FAT2: variants seen among roughly 807,000 people sequenced by gnomAD.
FAT2 encodes the protein protocadherin Fat 2.
Under a neutral mutation model 295.3 loss-of-function variants are expected in FAT2, and 150 were observed. The ratio of observed to expected loss-of-function variants is 0.51; its 90% CI spans 0.44 to 0.58. The LOEUF is 0.58. Among genes scored for constraint, FAT2 ranks in the 20% least tolerant of loss-of-function variants. FAT2 has a pLI of 0.00. For synonymous variants in FAT2, 2,026 were observed against 2,150.3 expected, an observed-to-expected ratio of 0.94 and a Z score of 1.60; for missense variants, 4,868 against 5,442.7, an observed-to-expected ratio of 0.89 and a Z score of 3.32.
In FAT2 at chr5:151,567,081, T is replaced by C. The variant is rs896313299; in HGVS notation, c.1851A>G (p.Gly617=). 3.1e-6 allele frequency: 5 copies of C among 1,614,010 alleles called. No individual in the cohort carries two copies. The highest frequency in any genetic ancestry group is 3.3e-5 in the Admixed American group (2 of 59,996). The change falls in exon 2 of 24, where the codon GGA becomes GGG. Residue 617 remains glycine, a synonymous_variant. Transcript: ENST00000261800. ...LEYFDLNHFS[G]VISLKRPFIN... ...TAAAAGGGCGTTTGAGGGATATCAC[T>C]CCGGAGAAATGATTTAGATCAAAAT...
At chr5:151,592,139 G>T (rs139329668), upstream of FAT2, among the ~76,000 whole-genome samples, 1 of 152,170 alleles carries the variant, frequency 6.6e-6, no homozygotes, top group Non-Finnish European at 1.5e-5. Flanking sequence ...TTTATGAGGT[G>T]CCTCTCTGTT....
At chr5:151,540,429 C>T (rs1158572440) in intron 11 of FAT2, 138 bp downstream of exon 11, 2 of 552,932 alleles carry the variant, frequency 3.6e-6, no homozygotes, top group Non-Finnish European at 6.5e-6. Context: ...GCCCCTCAAT[C>T]TCCCTTCTCC....
rs764457790 is a variant in FAT2, at chr5:151,507,629, TC to T, written c.12060-19del. 1 of 1,584,126 alleles carries T rather than the reference TC, an allele frequency of 6.3e-7. No homozygotes were observed. The highest frequency in any genetic ancestry group is 8.6e-7 in the Non-Finnish European group (1 of 1,164,724). ...TTTCACACCTGCGGAGACAGAGTAG[TC>T]AGGGGGCCAAGTCATGAAATTGCCC... On this transcript the variant is annotated intron_variant, in intron 22 of 23. Coordinates refer to ENST00000261800, the MANE Select transcript of FAT2 (RefSeq NM_001447.3).
chr5:151,564,538 T>A (rs1350857364), intron 2 of FAT2, among the ~76,000 whole-genome samples: 1 of 152,310 alleles, frequency 6.6e-6, no homozygotes, highest in East Asian at 1.9e-4. Context: ...TGGAAATAAA[T>A]CACCTACCAA....
At chr5:151,527,458 C>CA (rs1561830544) in intron 16 of FAT2, 81 bp from the exon 17 acceptor site, 81 of 1,363,554 alleles carry the variant, frequency 5.9e-5, no homozygotes, top group Non-Finnish European at 6.3e-5. Context: ...CTAATATTTT[C>CA]AAAAAAAATA....
intron 1 of FAT2, among the ~76,000 whole-genome samples, chr5:151,582,529 A>C (rs1287370644): frequency 6.6e-6 from 1 of 152,162 alleles, no homozygotes; most frequent in African/African-American, 2.4e-5. Context: ...GATGTTCAAC[A>C]AGTTCCCTGG....
rs1761428064 is a variant in FAT2, at chr5:151,512,846, C to T, written c.11464-240G>A. The T allele has an allele frequency of 1.8e-6, 1 of 545,930 alleles. No individual in the cohort carries two copies. Among genetic ancestry groups the T allele is most frequent in the Admixed American group, 3.2e-5 (1 of 31,640 alleles). 33.8% of individuals were successfully genotyped at this position (545,930 alleles called of 1,614,324 possible). ...GGGTAGGGGGTGACATCTCCATTCA[C>T]AGATGAGGAAACTGAGGCCGAGAGA... On this transcript the variant is annotated intron_variant, in intron 20 of 23. Coordinates refer to ENST00000261800, the MANE Select transcript of FAT2 (RefSeq NM_001447.3). This position sits in a 1 kb window ranked among gnomAD's most constrained non-coding sequence, Gnocchi z 4.1.
At chr5:151,518,809 A>G (rs1753149774) in intron 19 of FAT2, among the ~76,000 whole-genome samples, 1 of 152,186 alleles carries the variant, frequency 6.6e-6, no homozygotes, top group African/African-American at 2.4e-5. Context: ...CATTCTGTTG[A>G]ACCCCCTTTG....
chr5:151,576,008 G>A (rs950656641), intron 1 of FAT2, among the ~76,000 whole-genome samples: 2 of 152,140 alleles, frequency 1.3e-5, no homozygotes, highest in East Asian at 1.9e-4. Context: ...TAAAGAGCAC[G>A]GCATAGGAAC....
At chr5:151,539,929 A>C (rs1755929259) in intron 11 of FAT2, among the ~76,000 whole-genome samples, 1 of 152,202 alleles carries the variant, frequency 6.6e-6, no homozygotes, top group African/African-American at 2.4e-5. Flanking sequence ...ACAAGTGAAG[A>C]AGGGCATCTC....
At position 151,565,887 on chromosome 5, in the gene FAT2, A is replaced by AT; in HGVS notation, c.3044dup (p.His1015GlnfsTer11). 6.2e-7 allele frequency: 1 copy of AT among 1,613,930 alleles called. No homozygotes were observed. The highest frequency in any genetic ancestry group is 2.2e-5 in the East Asian group (1 of 44,868). ...TCACATCCAGGACGATCACCTCCAC[A>AT]TGGCAGAGAGTCCTGCGGGCTAGGG... On this transcript the variant is annotated frameshift_variant, in exon 2 of 24. Transcript: ENST00000261800. LOFTEE classifies it high-confidence loss of function.
chr5:151,563,339 A>G lies in FAT2; in HGVS notation c.3560T>C (p.Ile1187Thr), dbSNP rs575786466. ...TGGATCCTTACCTGTAACAGGGTGA[A>G]TCATAAAGAATCCCATGTAGTTCCC... is the stretch of plus-strand genomic sequence containing the variant. Reference protein sequence around the residue: ...TSGNYMGFFMIHPVTGLLSTA... With the variant: ...TSGNYMGFFMTHPVTGLLSTA... The change falls in exon 3 of 24, where the codon ATT becomes ACT. Residue 1187 changes from isoleucine to threonine, a missense_variant. This residue lies in a region of FAT2 where 3,297 missense variants were observed against 3,669.4 expected (regional missense o/e 0.90). Coordinates refer to ENST00000261800, the MANE Select transcript of FAT2 (RefSeq NM_001447.3). The G allele has an allele frequency of 6.2e-7, 1 of 1,614,104 alleles. No homozygotes were observed. The highest frequency in any genetic ancestry group is 1.1e-5 in the South Asian group (1 of 91,074).
At chr5:151,576,092 C>G (rs1758737521) in intron 1 of FAT2, among the ~76,000 whole-genome samples, 2 of 152,004 alleles carry the variant, frequency 1.3e-5, no homozygotes, top group Admixed American at 1.3e-4. Flanking sequence ...CACCCAGGAC[C>G]CAGGACTACA....
chr5:151,590,043 C>A (rs947415425), intron 1 of FAT2, among the ~76,000 whole-genome samples: 2 of 152,220 alleles, frequency 1.3e-5, no homozygotes, highest in African/African-American at 4.8e-5. Context: ...TAATGAAATT[C>A]TCTTCCCACT....
intron 8 of FAT2, 106 bp downstream of exon 8, chr5:151,550,484 A>G (rs1230131583): frequency 3.1e-6 from 4 of 1,273,148 alleles, no homozygotes; most frequent in Non-Finnish European, 4.4e-6. Flanking sequence ...TGTCTCGTGC[A>G]TGGTCCTTAT....
chr5:151,575,360 A>G (rs1758702804), intron 1 of FAT2, among the ~76,000 whole-genome samples: 1 of 152,266 alleles, frequency 6.6e-6, no homozygotes, highest in African/African-American at 2.4e-5. Flanking sequence ...AGTACTGGAC[A>G]GAATTAAAAG....
rs1756468512 is a variant in FAT2, at chr5:151,544,828, C to T, written c.6299G>A (p.Gly2100Glu). The change falls in exon 10 of 24, where the codon GGG (glycine) becomes GAG (glutamate). Residue 2100 changes from glycine to glutamate, a missense_variant. Around this residue, in one of 5 missense-constraint regions of FAT2, gnomAD observed 3,297 missense variants for 3,669.4 expected, o/e 0.90. Coordinates refer to ENST00000261800, the MANE Select transcript of FAT2 (RefSeq NM_001447.3). ...FQVSATDEDL[G>E]TNGAVTYEFA... ...TTCATATGTAACAGCCCCATTTGTC[C>T]CCAAGTCCTCATCAGTGGCAGATAC... 1.2e-6 allele frequency: 2 copies of T among 1,614,230 alleles called. No individual in the cohort carries two copies. Among genetic ancestry groups the T allele is most frequent in the Non-Finnish European group, 1.7e-6 (2 of 1,180,040 alleles).
upstream of FAT2, among the ~76,000 whole-genome samples, chr5:151,593,622 T>C (rs1163728030): frequency 6.6e-6 from 1 of 152,160 alleles, no homozygotes; most frequent in Non-Finnish European, 1.5e-5. Context: ...CTGCTGAAAT[T>C]GTACCTCTCT....
At chr5:151,508,732 G>T (rs1761086891) in intron 22 of FAT2, among the ~76,000 whole-genome samples, 1 of 151,756 alleles carries the variant, frequency 6.6e-6, no homozygotes, top group South Asian at 2.1e-4. Context: ...AAAGGACTGG[G>T]GTCATCAGCA....
Sources: gnomAD v4.1 joint callset for allele counts (sites outside exome capture counted in the v4.1 genomes callset) on GRCh38, gnomAD v4.1.1 for gene constraint, gnomAD v4.1.1 regional missense constraint, Gnocchi (gnomAD v3.1) non-coding constraint, MANE v1.5 for transcripts, NCBI Gene and HGNC (gene_info 2026-07-23, HGNC 2026-07-21) for gene names.